FTO: variants seen among roughly 807,000 people sequenced by gnomAD.
The protein encoded by FTO is FTO alpha-ketoglutarate dependent dioxygenase.
Under a neutral mutation model 63.9 loss-of-function variants are expected in FTO, and 47 were observed. That is an observed-to-expected ratio of 0.74 (90% CI 0.58 to 0.94). The LOEUF (loss-of-function observed/expected upper bound fraction) is 0.94, where lower values mean the gene tolerates loss of function less well. Ranked by LOEUF, FTO falls within the 40% of genes least tolerant of loss-of-function variation. The pLI is 0.00. For synonymous variants in FTO, 207 were observed against 224.4 expected, an observed-to-expected ratio of 0.92 and a Z score of 0.69; for missense variants, 562 against 618.1, an observed-to-expected ratio of 0.91 and a Z score of 0.96.
Position 53,826,449 on chromosome 16 carries a change from G to A in FTO, c.709G>A (p.Val237Met). 1 of 1,614,184 alleles carries A rather than the reference G, an allele frequency of 6.2e-7. No homozygotes were observed. Among genetic ancestry groups the A allele is most frequent in the South Asian group, 1.1e-5 (1 of 91,084 alleles). The change falls in exon 3 of 9, where the codon GTG becomes ATG. Residue 237 changes from valine (V) to methionine (M), a missense_variant. Val to Met is a conservative substitution (Grantham distance 21). Coordinates refer to ENST00000471389, the MANE Select transcript of FTO (RefSeq NM_001080432.3). ...GAGCTGGCATCATGATGAAAATCTGGTGGACAGGTCAGCGGTGGCAGTGTA... is the reference window on the plus strand; with the variant it reads ...GAGCTGGCATCATGATGAAAATCTGATGGACAGGTCAGCGGTGGCAGTGTA... ...AVSWHHDENLVDRSAVAVYSY... is the reference protein window; with the variant it reads ...AVSWHHDENLMDRSAVAVYSY...
chr16:53,889,157 A>G (rs1598916206), intron 7 of FTO, among the ~76,000 whole-genome samples: 1 of 152,198 alleles, frequency 6.6e-6, no homozygotes, highest in South Asian at 2.1e-4. Context: ...TTTTCTCCTC[A>G]TAGGGCATGT....
intron 8 of FTO, among the ~76,000 whole-genome samples, chr16:53,973,242 A>G (rs373261862): frequency 4.1e-5 from 6 of 147,232 alleles, no homozygotes; most frequent in African/African-American, 1.6e-4. Flanking sequence ...AAGTCTACTC[A>G]GCAGGAGGCT....
At chr16:54,082,643 A>C (rs1357962610) in intron 8 of FTO, among the ~76,000 whole-genome samples, 1 of 152,156 alleles carries the variant, frequency 6.6e-6, no homozygotes, top group African/African-American at 2.4e-5. Context: ...GGTTAAACAG[A>C]TGTAGGGCCT....
chr16:53,929,012 T>C (rs549522027), intron 7 of FTO, among the ~76,000 whole-genome samples: 1 of 152,200 alleles, frequency 6.6e-6, no homozygotes, highest in South Asian at 2.1e-4. Context: ...CCTGGCTAAT[T>C]TTTGTATTTT....
chr16:53,875,681 A>C (rs535227716), intron 5 of FTO, among the ~76,000 whole-genome samples: 6 of 152,352 alleles, frequency 3.9e-5, no homozygotes, highest in Non-Finnish European at 8.8e-5. Context: ...AGGAACTACT[A>C]TTCAGAAGGG....
intron 8 of FTO, among the ~76,000 whole-genome samples, chr16:53,955,495 G>A (rs2082907867): frequency 6.6e-6 from 1 of 152,220 alleles, no homozygotes. Flanking sequence ...CAATATGACA[G>A]AGGGAGAAGT....
chr16:54,052,722 CT>C (rs11295875), intron 8 of FTO: 37,725 of 148,492 alleles, frequency 0.25, 7,176 homozygotes, highest in African/African-American at 0.54. Context: ...GAGAACTTGA[CT>C]TTTTTTTTTT....
chr16:53,948,584 C>T (rs2082702677), intron 8 of FTO, among the ~76,000 whole-genome samples: 1 of 152,220 alleles, frequency 6.6e-6, no homozygotes, highest in Admixed American at 6.5e-5. Context: ...AGCCAGGCAG[C>T]TGCTATCCAG....
chr16:53,746,715 T>G (rs1284883149), intron 1 of FTO, among the ~76,000 whole-genome samples: 1 of 152,196 alleles, frequency 6.6e-6, no homozygotes, highest in Non-Finnish European at 1.5e-5. Context: ...TTAAATGAAC[T>G]CTTGGTGATT....
At chr16:54,061,619 G>GTGTGTT (rs1260343950) in intron 8 of FTO, 2 of 152,200 alleles carry the variant, frequency 1.3e-5, no homozygotes, top group African/African-American at 2.4e-5. Flanking sequence ...GTGTGTGTGT[G>GTGTGTT]TGTGTGTGTG....
chr16:53,810,271 A>G, intron 2 of FTO, 54 bp downstream of exon 2: 3 of 1,273,080 alleles, frequency 2.4e-6, no homozygotes, highest in Non-Finnish European at 3.4e-6. Context: ...GATCAACCTT[A>G]TTTTACCTAT....
intron 6 of FTO, among the ~76,000 whole-genome samples, chr16:53,885,224 A>T: frequency 6.6e-6 from 1 of 152,184 alleles, no homozygotes; most frequent in East Asian, 1.9e-4. Context: ...CAGACTCTGA[A>T]TCAAGCAGGT....
intron 8 of FTO, among the ~76,000 whole-genome samples, chr16:54,082,164 T>A (rs12599672): frequency 0.18 from 28,096 of 152,224 alleles, 2,810 homozygotes; most frequent in East Asian, 0.34. Context: ...GACATGGCTT[T>A]TGTGAAATTC....
intron 8 of FTO, among the ~76,000 whole-genome samples, chr16:54,088,933 T>C (rs142365602): frequency 7.4e-4 from 113 of 152,326 alleles, no homozygotes; most frequent in Middle Eastern, 3.4e-3. Context: ...AGGATATGCA[T>C]ACATGGCCTC....
intron 8 of FTO, among the ~76,000 whole-genome samples, chr16:54,062,464 A>G (rs1179871736): frequency 6.6e-6 from 1 of 152,184 alleles, no homozygotes; most frequent in Admixed American, 6.5e-5. Context: ...TAAGCACTTC[A>G]GTGCCTCACC....
At chr16:54,100,912 G>A (rs1267889746) in intron 8 of FTO, among the ~76,000 whole-genome samples, 4 of 152,130 alleles carry the variant, frequency 2.6e-5, no homozygotes, top group Non-Finnish European at 5.9e-5. Flanking sequence ...AGGGGAAAAG[G>A]CAGGGCACTC....
At chr16:53,788,183 T>C (rs1362336848) in intron 1 of FTO, among the ~76,000 whole-genome samples, 1 of 152,208 alleles carries the variant, frequency 6.6e-6, no homozygotes, top group Non-Finnish European at 1.5e-5. Context: ...CTGATGCATC[T>C]TCTTCAGACT....
chr16:53,808,613 T>G (rs1455376158), intron 1 of FTO, among the ~76,000 whole-genome samples: 3 of 152,088 alleles, frequency 2.0e-5, no homozygotes, highest in Non-Finnish European at 2.9e-5. Flanking sequence ...TGTGATGGGT[T>G]TGTGAGAGAA....
At chr16:53,901,763 A>G (rs2081409422) in intron 7 of FTO, among the ~76,000 whole-genome samples, 1 of 152,034 alleles carries the variant, frequency 6.6e-6, no homozygotes, top group Non-Finnish European at 1.5e-5. Flanking sequence ...TTCCCTCTCT[A>G]TGTGATGCTG....
Sources: allele counts gnomAD v4.1 joint callset (sites outside exome capture counted in the v4.1 genomes callset), GRCh38; gene constraint gnomAD v4.1.1; transcripts MANE v1.5; gene names NCBI Gene and HGNC (gene_info 2026-07-23, HGNC 2026-07-21).